Variants in SUMF1 observed in about 807,000 individuals in gnomAD.
The protein encoded by SUMF1 is sulfatase modifying factor 1, also known as formylglycine-generating enzyme.
Under a neutral mutation model 47.6 loss-of-function variants are expected in SUMF1, and 48 were observed. The observed-to-expected ratio is 1.01, with a 90% CI of 0.80 to 1.28. The LOEUF (loss-of-function observed/expected upper bound fraction) is 1.28, where lower values mean the gene tolerates loss of function less well. SUMF1 is among the 50% of genes most tolerant of loss of function. The pLI is 0.00. For missense variants in SUMF1, 571 were observed against 485.4 expected (o/e 1.18, Z -1.66); for synonymous variants, 230 against 192.1 (o/e 1.20, Z -1.63).
chr3:4,125,118 T>C, intron 8 of SUMF1, among the ~76,000 whole-genome samples: 1 of 152,246 alleles, frequency 6.6e-6, no homozygotes, highest in Non-Finnish European at 1.5e-5. Flanking sequence ...ATAAAAAAAC[T>C]TTGTGTTTTA....
At chr3:4,177,746 C>G (rs1488235020) in intron 8 of SUMF1, among the ~76,000 whole-genome samples, 2 of 152,000 alleles carry the variant, frequency 1.3e-5, no homozygotes, top group Non-Finnish European at 2.9e-5. Context: ...ATCAGTGAAT[C>G]CAGGAGCTGG....
intron 8 of SUMF1, among the ~76,000 whole-genome samples, chr3:4,335,063 T>C (rs1699118317): frequency 6.6e-6 from 1 of 152,166 alleles, no homozygotes; most frequent in Admixed American, 6.5e-5. Flanking sequence ...GTAAAATTTG[T>C]CTTTCGGCAG....
chr3:4,305,467 T>G (rs184200870), intron 8 of SUMF1, among the ~76,000 whole-genome samples: 178 of 152,278 alleles, frequency 1.2e-3, no homozygotes, highest in South Asian at 2.5e-3. Context: ...GTTTCTTATC[T>G]AACTTAAAAA....
At chr3:4,182,554 T>C (rs1302612669) in intron 8 of SUMF1, among the ~76,000 whole-genome samples, 1 of 151,950 alleles carries the variant, frequency 6.6e-6, no homozygotes, top group East Asian at 1.9e-4. Context: ...ATCTTAAGGG[T>C]CCCAAAGAGC....
At chr3:4,133,325 G>A (rs1693835959) in intron 8 of SUMF1, among the ~76,000 whole-genome samples, 1 of 152,094 alleles carries the variant, frequency 6.6e-6, no homozygotes, top group Non-Finnish European at 1.5e-5. Context: ...GTTATATTAG[G>A]CATAATTATG....
intron 8 of SUMF1, among the ~76,000 whole-genome samples, chr3:4,262,352 G>T (rs1697104418): frequency 6.6e-6 from 1 of 152,104 alleles, no homozygotes. Flanking sequence ...ATTCACTTCT[G>T]CTCCCAGAAA....
In SUMF1 at chr3:4,467,020, C is replaced by G; in HGVS notation, c.226G>C (p.Ala76Pro). 6.3e-7 allele frequency: 1 copy of G among 1,589,950 alleles called. No homozygotes were observed. The highest frequency in any genetic ancestry group is 2.3e-5 in the East Asian group (1 of 43,734). Reference protein sequence around the residue: ...AAHRYSREANAPGPVPGERQL... With the variant: ...AAHRYSREANPPGPVPGERQL... ...CGCTCTCCGGGTACGGGGCCCGGAG[C>G]GTTAGCCTCCCGCGAGTATCGGTGA... Residue 76 changes from alanine (A) to proline (P), a missense_variant, in exon 1 of 9, where the codon GCT becomes CCT. Ala to Pro is a conservative substitution (Grantham distance 27, BLOSUM62 -1). Transcript: ENST00000272902.
chr3:4,151,483 G>A (rs893173562), intron 8 of SUMF1, among the ~76,000 whole-genome samples: 4 of 141,100 alleles, frequency 2.8e-5, no homozygotes, highest in Admixed American at 2.1e-4. Context: ...ATGTATATAT[G>A]TGTATATATA....
intron 3 of SUMF1, among the ~76,000 whole-genome samples, chr3:4,437,913 T>G (rs541652641): frequency 2.6e-5 from 4 of 151,938 alleles, no homozygotes; most frequent in Non-Finnish European, 5.9e-5. Flanking sequence ...CGCTCCAGCC[T>G]GGGCAACAGG....
chr3:4,057,037 C>T (rs981507465), intron 9 of SUMF1, among the ~76,000 whole-genome samples: 8 of 152,130 alleles, frequency 5.3e-5, no homozygotes, highest in South Asian at 2.1e-4. Flanking sequence ...TGAGCCACCG[C>T]GCCCGGCCGT....
chr3:4,155,236 G>A (rs1024297699), intron 8 of SUMF1, among the ~76,000 whole-genome samples: 1 of 151,462 alleles, frequency 6.6e-6, no homozygotes. Flanking sequence ...TTCATGTGCA[G>A]AGGAAGGAAG....
In SUMF1 at chr3:4,420,098, G is replaced by A. The variant is rs140850433; in HGVS notation, c.568C>T (p.His190Tyr). The A allele has an allele frequency of 3.1e-5, 50 of 1,614,036 alleles. No individual in the cohort carries two copies. In the African/African-American group the frequency reaches 6.1e-4, roughly 20 times the overall value. Residue 190 changes from histidine (H) to tyrosine (Y), a missense_variant, in exon 4 of 9, where the codon CAC (histidine) becomes TAC (tyrosine). His to Tyr is a moderately conservative substitution (Grantham distance 83, BLOSUM62 2). Transcript: ENST00000272902. ...WLPVKGANWRHPEGPDSTILH... is the reference protein window; with the variant it reads ...WLPVKGANWRYPEGPDSTILH... ...ATAGTAGAGTCAGGCCCTTCTGGGT[G>A]TCTCCAGTTAGCGCCTTTCACAGGT... is the stretch of plus-strand genomic sequence containing the variant.
chr3:4,456,743 C>CGTGTGTGTGTATATAT (rs1553589097), intron 1 of SUMF1, among the ~76,000 whole-genome samples: 6 of 13,914 alleles, frequency 4.3e-4, no homozygotes, highest in African/African-American at 1.8e-3. Context: ...TATATATACA[C>CGTGTGTGTGTATATAT]ACATATATAC....
intron 8 of SUMF1, among the ~76,000 whole-genome samples, chr3:4,113,824 A>G (rs967794593): frequency 1.3e-5 from 2 of 152,142 alleles, no homozygotes; most frequent in African/African-American, 4.8e-5. Context: ...AGATAGGAAC[A>G]ATTACTGAAA....
rs1237749886 is a variant in SUMF1, at chr3:4,076,990, C to A, written c.1015-8245G>T. ...CTGCACTCCAGCCTGGGCAACAGAG[C>A]GAGACTCCATCTCAAAAAAGAAAAA... is the stretch of plus-strand genomic sequence containing the variant. On this transcript the variant is annotated intron_variant and NMD_transcript_variant, in intron 8 of 12. Coordinates refer to the SUMF1 transcript ENST00000448413. 2.0e-5 allele frequency among the ~76,000 whole-genome samples: 3 copies of A among 151,860 alleles called. No individual in the cohort carries two copies. In the East Asian group the frequency reaches 5.8e-4, roughly 29 times the overall value.
chr3:4,367,815 C>T (rs1246886517), intron 8 of SUMF1, among the ~76,000 whole-genome samples: 2 of 151,518 alleles, frequency 1.3e-5, no homozygotes, highest in Non-Finnish European at 3.0e-5. Context: ...CCCTTCCTTA[C>T]ACCTTATACA....
At chr3:4,415,403 GA>G (rs1344499765) in intron 6 of SUMF1, among the ~76,000 whole-genome samples, 1 of 152,098 alleles carries the variant, frequency 6.6e-6, no homozygotes, top group Admixed American at 6.6e-5. Context: ...ACCCATAAAG[GA>G]AAACATGCCC....
intron 8 of SUMF1, among the ~76,000 whole-genome samples, chr3:4,178,852 A>T (rs1008972470): frequency 3.3e-5 from 5 of 152,324 alleles, no homozygotes; most frequent in African/African-American, 1.2e-4. Context: ...GTCTCAGGAT[A>T]CAAAATCAAT....
chr3:4,113,993 G>A (rs1574895651), intron 8 of SUMF1, among the ~76,000 whole-genome samples: 1 of 152,024 alleles, frequency 6.6e-6, no homozygotes, highest in South Asian at 2.1e-4. Context: ...TCTACAAGCT[G>A]ATTTTAAAAG....
Sources: allele counts gnomAD v4.1 joint callset (sites outside exome capture counted in the v4.1 genomes callset), GRCh38; gene constraint gnomAD v4.1.1; transcripts MANE v1.5; gene names NCBI Gene and HGNC (gene_info 2026-07-23, HGNC 2026-07-21).